SEL1L3: variants seen among roughly 807,000 people sequenced by gnomAD.
SEL1L3 encodes the protein protein sel-1 homolog 3.
Under a neutral mutation model 142.8 loss-of-function variants are expected in SEL1L3, and 76 were observed. The observed-to-expected ratio is 0.53, with a 90% CI of 0.44 to 0.64. SEL1L3 has a LOEUF of 0.64. Ranked by LOEUF, SEL1L3 falls within the 30% of genes least tolerant of loss-of-function variation. The pLI is 0.00. For missense variants in SEL1L3, 1,262 were observed against 1,381.7 expected (o/e 0.91, Z 1.37); for synonymous variants, 504 against 519.6 (o/e 0.97, Z 0.41).
At chr4:25,773,767 T>G (rs1420672528) in intron 17 of SEL1L3, among the ~76,000 whole-genome samples, 2 of 152,206 alleles carry the variant, frequency 1.3e-5, no homozygotes, top group Non-Finnish European at 2.9e-5. Context: ...TCATTATATA[T>G]CCCTCTCAAG....
Position 25,818,230 on chromosome 4 carries a change from G to A in SEL1L3, c.1472C>T (p.Pro491Leu), listed in dbSNP as rs1272725361. The A allele has an allele frequency of 6.2e-7, 1 of 1,603,530 alleles. No homozygotes were observed. Among genetic ancestry groups the A allele is most frequent in the Admixed American group, 1.7e-5 (1 of 58,410 alleles). The change falls in exon 9 of 24, where the codon CCC (proline) becomes CTC (leucine). Residue 491 changes from proline to leucine, a missense_variant. Physicochemically the swap from Pro to Leu is moderately conservative, Grantham distance 98. Coordinates refer to ENST00000399878, the MANE Select transcript of SEL1L3 (RefSeq NM_015187.5). ...CCAGGGGAAGGCTCTGCACATCGAG[G>A]GTCTCCCATACCTGCGCTGGAGGTC... ...YLDLQRRYGRPSMCRAFPWEK... is the reference protein window; with the variant it reads ...YLDLQRRYGRLSMCRAFPWEK...
intron 2 of SEL1L3, among the ~76,000 whole-genome samples, chr4:25,838,651 G>A (rs928366127): frequency 7.9e-5 from 12 of 152,218 alleles, no homozygotes; most frequent in South Asian, 2.1e-4. Flanking sequence ...CCAAGGCCCC[G>A]CCACCCACCC....
At chr4:25,824,423 C>T (rs1367388918) in intron 6 of SEL1L3, among the ~76,000 whole-genome samples, 6 of 152,118 alleles carry the variant, frequency 3.9e-5, no homozygotes, top group Admixed American at 2.6e-4. Flanking sequence ...ATTTAAAAAA[C>T]GGAAATAGTA....
intron 5 of SEL1L3, among the ~76,000 whole-genome samples, chr4:25,832,208 TCAACCTA>T (rs1715492610): frequency 6.6e-6 from 1 of 152,168 alleles, no homozygotes; most frequent in South Asian, 2.1e-4. Context: ...GGAAATGTGA[TCAACCTA>T]AACACCAAGG....
the SEL1L3 span, among the ~76,000 whole-genome samples, chr4:25,730,570 T>C: frequency 6.6e-6 from 1 of 152,186 alleles, no homozygotes; most frequent in Non-Finnish European, 1.5e-5. Flanking sequence ...TGTGGTGATG[T>C]GTATAATGTC....
chr4:25,732,765 T>A, the SEL1L3 span, among the ~76,000 whole-genome samples: 1 of 151,910 alleles, frequency 6.6e-6, no homozygotes, highest in Admixed American at 6.6e-5. Context: ...TCGGACAGAG[T>A]CTTGCTCTGT....
chr4:25,760,156 A>G (rs1443920063), intron 20 of SEL1L3, among the ~76,000 whole-genome samples: 1 of 152,104 alleles, frequency 6.6e-6, no homozygotes, highest in Non-Finnish European at 1.5e-5. Context: ...GCTCCCACTA[A>G]GCGAGAATAT....
At chr4:25,752,335 T>C (rs10000681) in intron 23 of SEL1L3, among the ~76,000 whole-genome samples, 27 of 147,462 alleles carry the variant, frequency 1.8e-4, no homozygotes, top group African/African-American at 6.6e-4. Flanking sequence ...GAGAATGGCA[T>C]GAACCCCGGA....
intron 2 of SEL1L3, 29 bp downstream of exon 2, chr4:25,847,264 AT>A: frequency 6.4e-7 from 1 of 1,554,666 alleles, no homozygotes; most frequent in Non-Finnish European, 8.7e-7. Context: ...AAAAATGAGA[AT>A]TAGGTTCCTA....
At chr4:25,825,068 A>G (rs1327506217) in intron 6 of SEL1L3, among the ~76,000 whole-genome samples, 1 of 152,216 alleles carries the variant, frequency 6.6e-6, no homozygotes, top group Non-Finnish European at 1.5e-5. Context: ...TGGCAAATGA[A>G]TATATACATA....
chr4:25,776,719 AATTT>A (rs1719659194), intron 16 of SEL1L3: 1 of 168,120 alleles, frequency 5.9e-6, no homozygotes, highest in African/African-American at 2.4e-5. Context: ...TTTGTTCTCT[AATTT>A]ATTAGGGGTT....
At position 25,757,583 on chromosome 4, in the gene SEL1L3, C is replaced by T. The variant is rs1718075449; in HGVS notation, c.3210G>A (p.Leu1070=). The change falls in exon 23 of 24, where the codon CTG becomes CTA. Residue 1070 remains leucine (L), a synonymous_variant. Transcript: ENST00000399878. ...CAGTCCAGGCGATCAATATGGATAG[C>T]AGAAAGGTTCCCAGAAAGTAGATCT... ...SALIYFLGTF[L]LSILIAWTVQ... The T allele has an allele frequency of 1.9e-6, 3 of 1,551,016 alleles. No individual in the cohort carries two copies. The highest frequency in any genetic ancestry group is 2.6e-6 in the Non-Finnish European group (3 of 1,147,596).
chr4:25,747,387 G>A (rs1717307724), downstream of SEL1L3: 1 of 151,896 alleles, frequency 6.6e-6, no homozygotes, highest in Non-Finnish European at 1.5e-5. Flanking sequence ...ACTTTATATG[G>A]TGACAGTAAT....
At chr4:25,782,177 C>G (rs930582919) in intron 15 of SEL1L3, 65 bp downstream of exon 15, 35 of 1,469,750 alleles carry the variant, frequency 2.4e-5, no homozygotes, top group African/African-American at 1.4e-5. Context: ...CACAGTGTAC[C>G]TTCAACAAAT....
At chr4:25,750,139 C>A (rs1717492026) in intron 23 of SEL1L3, among the ~76,000 whole-genome samples, 1 of 150,918 alleles carries the variant, frequency 6.6e-6, no homozygotes, top group African/African-American at 2.4e-5. Context: ...AAGGCTAAAG[C>A]CGGAGAATTG....
chr4:25,770,800 C>A (rs970249379), intron 17 of SEL1L3, among the ~76,000 whole-genome samples: 5 of 151,816 alleles, frequency 3.3e-5, no homozygotes, highest in African/African-American at 1.2e-4. Flanking sequence ...AGAAATCCAC[C>A]TCTATTTTTC....
chr4:25,724,736 C>CAAAAAAAAAAAAAAAAA, the SEL1L3 span, among the ~76,000 whole-genome samples: 2 of 5,970 alleles, frequency 3.4e-4, no homozygotes, highest in African/African-American at 1.0e-3. Context: ...GACTCCAACT[C>CAAAAAAAAAAAAAAAAA]AAAAAAAAAA....
At chr4:25,841,959 C>CA (rs1716192813) in intron 2 of SEL1L3, among the ~76,000 whole-genome samples, 1 of 151,926 alleles carries the variant, frequency 6.6e-6, no homozygotes, top group Admixed American at 6.6e-5. Flanking sequence ...GACCCTGTCT[C>CA]AAAAAAATTA....
At chr4:25,840,802 A>G (rs1716117312) in intron 2 of SEL1L3, among the ~76,000 whole-genome samples, 1 of 152,186 alleles carries the variant, frequency 6.6e-6, no homozygotes, top group Admixed American at 6.5e-5. Context: ...CTTTCTCAGT[A>G]AGTGCAGACT....
Sources: allele counts gnomAD v4.1 joint callset (sites outside exome capture counted in the v4.1 genomes callset), GRCh38; gene constraint gnomAD v4.1.1; transcripts MANE v1.5; gene names NCBI Gene and HGNC (gene_info 2026-07-23, HGNC 2026-07-21).